STAU1: variants seen among roughly 807,000 people sequenced by gnomAD.
The protein encoded by STAU1 is double-stranded RNA-binding protein Staufen homolog 1.
STAU1 carries 13 observed loss-of-function variants against 62.9 expected under a neutral mutation model. The ratio of observed to expected loss-of-function variants is 0.21; its 90% CI spans 0.13 to 0.33. The LOEUF is 0.33. Among genes scored for constraint, STAU1 ranks in the 10% least tolerant of loss-of-function variants. The pLI is 1.00. For missense variants in STAU1, 571 were observed against 712.1 expected, an observed-to-expected ratio of 0.80 and a Z score of 2.25; for synonymous variants, 269 against 265.1, an observed-to-expected ratio of 1.01 and a Z score of -0.14.
chr20:49,194,797 T>C, the STAU1 span, among the ~76,000 whole-genome samples: 2 of 152,010 alleles, frequency 1.3e-5, no homozygotes, highest in Admixed American at 1.3e-4. Context: ...CAGGCTGGTC[T>C]CCAACTCCTG....
chr20:49,118,173 G>T (rs564354968), intron 10 of STAU1, 77 bp from the exon 11 acceptor site: 2 of 1,474,168 alleles, frequency 1.4e-6, no homozygotes, highest in Non-Finnish European at 1.9e-6. Flanking sequence ...CAAACCCCAC[G>T]CTGGCCCTCC....
chr20:49,171,203 A>C (rs2093592430), intron 2 of STAU1, among the ~76,000 whole-genome samples: 1 of 152,262 alleles, frequency 6.6e-6, no homozygotes, highest in African/African-American at 2.4e-5. Context: ...AAAAACATCA[A>C]GGAATAAACC....
At chr20:49,152,642 C>T (rs1354856144) in intron 4 of STAU1, among the ~76,000 whole-genome samples, 1 of 151,954 alleles carries the variant, frequency 6.6e-6, no homozygotes, top group Non-Finnish European at 1.5e-5. Context: ...ACCTGGCCTC[C>T]ACTAATGTCT....
chr20:49,160,009 T>C (rs1252487259), intron 3 of STAU1, among the ~76,000 whole-genome samples: 1 of 152,270 alleles, frequency 6.6e-6, no homozygotes, highest in Non-Finnish European at 1.5e-5. Context: ...GCTACCCAAG[T>C]AGCCAGAATT....
At chr20:49,160,915 G>A (rs1415986184) in intron 3 of STAU1, among the ~76,000 whole-genome samples, 1 of 152,170 alleles carries the variant, frequency 6.6e-6, no homozygotes, top group Non-Finnish European at 1.5e-5. Context: ...GAAGTAAGCT[G>A]CAGACAAGAG....
chr20:49,212,557 A>C, the STAU1 span, among the ~76,000 whole-genome samples: 2 of 146,948 alleles, frequency 1.4e-5, no homozygotes, highest in Non-Finnish European at 3.0e-5. Context: ...GTAGTTGTTG[A>C]GTTGTTAAAG....
At chr20:49,212,106 C>G in the STAU1 span, among the ~76,000 whole-genome samples, 33 of 152,300 alleles carry the variant, frequency 2.2e-4, no homozygotes, top group South Asian at 6.8e-3. Context: ...GCTCTCATCT[C>G]AGCCTCCTGA....
chr20:49,137,900 G>A (rs966069368), intron 5 of STAU1, among the ~76,000 whole-genome samples: 3 of 142,484 alleles, frequency 2.1e-5, no homozygotes, highest in Non-Finnish European at 3.0e-5. Context: ...GGCTATTCTC[G>A]AACTCCTGAC....
chr20:49,118,264 C>CTGT, intron 10 of STAU1, 69 bp downstream of exon 10: 1 of 1,458,910 alleles, frequency 6.9e-7, no homozygotes, highest in Non-Finnish European at 9.6e-7. Flanking sequence ...TGGGCTCCTG[C>CTGT]TGTTATTCAG....
intron 3 of STAU1, among the ~76,000 whole-genome samples, chr20:49,160,887 C>CA (rs1399666169): frequency 6.6e-6 from 1 of 152,140 alleles, no homozygotes; most frequent in African/African-American, 2.4e-5. Context: ...CTTGTGCAAA[C>CA]AAGCAGGAGA....
intron 1 of STAU1, among the ~76,000 whole-genome samples, chr20:49,180,426 C>G (rs1358544892): frequency 6.6e-6 from 1 of 151,964 alleles, no homozygotes; most frequent in Admixed American, 6.6e-5. Flanking sequence ...CGGGTTCAAG[C>G]CATTCTCCTG....
At chr20:49,195,040 T>C in the STAU1 span, among the ~76,000 whole-genome samples, 323 of 152,252 alleles carry the variant, frequency 2.1e-3, 2 homozygotes, top group Non-Finnish European at 2.6e-3. Flanking sequence ...CTCTTTTAAC[T>C]ATAACACAAA....
At chr20:49,218,783 T>G in the STAU1 span, among the ~76,000 whole-genome samples, 1 of 152,020 alleles carries the variant, frequency 6.6e-6, no homozygotes, top group African/African-American at 2.4e-5. Flanking sequence ...GGCTCACACC[T>G]GTAATCCCAG....
At chr20:49,172,421 C>A (rs1438019296) in intron 2 of STAU1, among the ~76,000 whole-genome samples, 1 of 152,162 alleles carries the variant, frequency 6.6e-6, no homozygotes, top group Non-Finnish European at 1.5e-5. Flanking sequence ...TAAACTTATA[C>A]AAACATAGAA....
At chr20:49,122,918 A>AAAATAAATAAAT (rs3091755) in intron 8 of STAU1, among the ~76,000 whole-genome samples, 174 bp downstream of exon 8, 97 of 148,542 alleles carry the variant, frequency 6.5e-4, no homozygotes, top group Middle Eastern at 3.4e-3. Context: ...CTCCATCTCA[A>AAAATAAATAAAT]AAATAAATAA....
At chr20:49,211,116 T>G in the STAU1 span, among the ~76,000 whole-genome samples, 6 of 152,188 alleles carry the variant, frequency 3.9e-5, no homozygotes, top group Admixed American at 1.3e-4. Flanking sequence ...TATAATGTTT[T>G]TGAGGTTCAT....
At chr20:49,158,516 G>A in intron 3 of STAU1, 1 of 1,303,656 alleles carries the variant, frequency 7.7e-7, no homozygotes, top group Non-Finnish European at 1.0e-6. Context: ...AAAAAACAAA[G>A]AATCCTTTAT....
At chr20:49,121,457 C>T (rs1165276513) in intron 8 of STAU1, among the ~76,000 whole-genome samples, 1 of 152,156 alleles carries the variant, frequency 6.6e-6, no homozygotes, top group Non-Finnish European at 1.5e-5. Context: ...CATGCTACAA[C>T]CAAAATCTCA....
chr20:49,145,685 G>T (rs750331384), intron 5 of STAU1, among the ~76,000 whole-genome samples: 53 of 149,128 alleles, frequency 3.6e-4, no homozygotes, highest in South Asian at 8.5e-4. Context: ...AGCCGAGATC[G>T]CACCACTGCA....
Sources: allele counts gnomAD v4.1 joint callset (sites outside exome capture counted in the v4.1 genomes callset), GRCh38; gene constraint gnomAD v4.1.1; transcripts MANE v1.5; gene names NCBI Gene and HGNC (gene_info 2026-07-23, HGNC 2026-07-21).